ATP8A2: variants seen among roughly 807,000 people sequenced by gnomAD.
ATP8A2 encodes the protein phospholipid-transporting ATPase IB.
In ATP8A2, 100 loss-of-function variants were observed where a neutral mutation model predicts 165.6. That is an observed-to-expected ratio of 0.60 (90% confidence interval 0.51 to 0.71). The LOEUF is 0.71. Among genes scored for constraint, ATP8A2 ranks in the 30% least tolerant of loss-of-function variants. The pLI, the probability that ATP8A2 is intolerant of heterozygous loss-of-function variation, is 0.00. For missense variants in ATP8A2, 1,227 were observed against 1,479.5 expected (o/e 0.83, Z 2.80); for synonymous variants, 543 against 548.8 (o/e 0.99, Z 0.15).
chr13:25,828,954 C>A (rs545878586), intron 28 of ATP8A2, among the ~76,000 whole-genome samples: 3 of 152,082 alleles, frequency 2.0e-5, no homozygotes, highest in Admixed American at 6.5e-5. Flanking sequence ...AACTCTGCTC[C>A]GTGGGAATTT....
chr13:25,698,248 C>T (rs1031605159), intron 24 of ATP8A2, among the ~76,000 whole-genome samples: 3 of 145,164 alleles, frequency 2.1e-5, no homozygotes, highest in Admixed American at 6.9e-5. Context: ...TTTAAAGAAA[C>T]AGGGTCTCAC....
At chr13:25,429,741 C>T (rs557764496) in intron 1 of ATP8A2, among the ~76,000 whole-genome samples, 30 of 152,270 alleles carry the variant, frequency 2.0e-4, no homozygotes, top group African/African-American at 7.2e-4. Context: ...TGGGAAAGGC[C>T]TTGTCTGATG....
At chr13:25,844,103 AT>A (rs1447087372) in intron 30 of ATP8A2, among the ~76,000 whole-genome samples, 2 of 152,006 alleles carry the variant, frequency 1.3e-5, no homozygotes, top group African/African-American at 2.4e-5. Flanking sequence ...GGTGGCAGGG[AT>A]TTTTTTGGTA....
At position 25,528,849 on chromosome 13, in the gene ATP8A2, A is replaced by G. The variant is rs573554196; in HGVS notation, c.222-1150A>G. Among the ~76,000 whole-genome samples, 4 of 142,788 alleles carry G rather than the reference A, an allele frequency of 2.8e-5. No individual in the cohort carries two copies. The East Asian group carries it at 5.9e-4, about 21-fold the overall frequency. The allele number at this position is 142,788 out of a possible 152,430, so 93.7% of individuals were successfully genotyped here. On this transcript the variant is annotated intron_variant, in intron 2 of 36. Transcript: ENST00000381655. ...ACATATGCAACATGTGTATGCACACATATGCAACATGTGTATGCATACATA... is the reference window on the plus strand; with the variant it reads ...ACATATGCAACATGTGTATGCACACGTATGCAACATGTGTATGCATACATA...
At chr13:25,663,829 A>G (rs767449484) in intron 24 of ATP8A2, among the ~76,000 whole-genome samples, 1 of 152,182 alleles carries the variant, frequency 6.6e-6, no homozygotes, top group African/African-American at 2.4e-5. Flanking sequence ...ACCATAAGTG[A>G]TTTAAAACCA....
chr13:25,490,703 C>T (rs573865214), intron 2 of ATP8A2, among the ~76,000 whole-genome samples: 44 of 151,310 alleles, frequency 2.9e-4, no homozygotes, highest in South Asian at 6.3e-4. Flanking sequence ...AAATAATTGC[C>T]GTGACTACTA....
chr13:25,377,425 C>A (rs1256947844), intron 1 of ATP8A2, among the ~76,000 whole-genome samples: 3 of 152,160 alleles, frequency 2.0e-5, no homozygotes. Flanking sequence ...CAGGAGAGAG[C>A]CCTTCCAGGA....
intron 1 of ATP8A2, among the ~76,000 whole-genome samples, chr13:25,434,374 T>C (rs940918910): frequency 2.0e-5 from 3 of 152,006 alleles, no homozygotes; most frequent in Non-Finnish European, 4.4e-5. Flanking sequence ...TTTGAGACAA[T>C]GTCTCTCTGT....
chr13:25,778,357 G>A (rs367936273), intron 27 of ATP8A2, among the ~76,000 whole-genome samples: 17 of 152,136 alleles, frequency 1.1e-4, no homozygotes, highest in Middle Eastern at 3.4e-3. Flanking sequence ...TGAGTGTGCC[G>A]CATAAAATTC....
intron 2 of ATP8A2, among the ~76,000 whole-genome samples, chr13:25,522,584 C>T (rs2037704986): frequency 6.6e-6 from 1 of 152,016 alleles, no homozygotes. Flanking sequence ...TATGTTCCTT[C>T]TATATCTAGT....
chr13:25,678,582 G>GGA (rs1467532246), intron 24 of ATP8A2, among the ~76,000 whole-genome samples: 2 of 152,152 alleles, frequency 1.3e-5, no homozygotes, highest in Non-Finnish European at 2.9e-5. Context: ...TCAAGCAGAG[G>GGA]GAGCCAGCTC....
chr13:25,887,201 T>C (rs1953185592), intron 33 of ATP8A2, among the ~76,000 whole-genome samples: 1 of 152,186 alleles, frequency 6.6e-6, no homozygotes, highest in Non-Finnish European at 1.5e-5. Flanking sequence ...CCATGGGTAT[T>C]CATTTTGTGA....
At chr13:25,948,336 A>G (rs1330421828) in intron 33 of ATP8A2, among the ~76,000 whole-genome samples, 1 of 152,176 alleles carries the variant, frequency 6.6e-6, no homozygotes, top group East Asian at 1.9e-4. Context: ...AAAAATCATT[A>G]GTTATAGGTA....
chr13:25,418,017 A>G (rs1198681055), intron 1 of ATP8A2, among the ~76,000 whole-genome samples: 1 of 152,104 alleles, frequency 6.6e-6, no homozygotes, highest in Non-Finnish European at 1.5e-5. Context: ...TACCTCTTAC[A>G]CTTCTCATAC....
chr13:25,762,613 C>T (rs575236518), intron 25 of ATP8A2, among the ~76,000 whole-genome samples: 71 of 152,018 alleles, frequency 4.7e-4, no homozygotes, highest in African/African-American at 1.4e-3. Context: ...TTTTCTATTA[C>T]GCTTAATTAT....
At chr13:25,594,998 A>ATG (rs1477779006) in intron 24 of ATP8A2, among the ~76,000 whole-genome samples, 2 of 149,862 alleles carry the variant, frequency 1.3e-5, no homozygotes, top group Admixed American at 1.3e-4. Context: ...ATATATATAT[A>ATG]TATATATATG....
intron 33 of ATP8A2, among the ~76,000 whole-genome samples, chr13:25,894,341 T>C (rs1227700032): frequency 3.9e-5 from 6 of 152,206 alleles, no homozygotes; most frequent in South Asian, 2.1e-4. Flanking sequence ...ATCAGATAGT[T>C]GTAGATATGC....
At chr13:25,951,945 G>A (rs117702682) in intron 33 of ATP8A2, among the ~76,000 whole-genome samples, 2,900 of 152,256 alleles carry the variant, frequency 0.019, 47 homozygotes, top group Non-Finnish European at 0.031. Context: ...TGTTAAGTTG[G>A]CAGATTTTTG....
intron 33 of ATP8A2, among the ~76,000 whole-genome samples, chr13:25,879,913 A>T (rs528996809): frequency 6.6e-6 from 1 of 152,378 alleles, no homozygotes; most frequent in Non-Finnish European, 1.5e-5. Context: ...TAATTGATTA[A>T]GTTTAAGAAA....
Sources: allele counts gnomAD v4.1 joint callset (sites outside exome capture counted in the v4.1 genomes callset), GRCh38; gene constraint gnomAD v4.1.1; transcripts MANE v1.5; gene names NCBI Gene and HGNC (gene_info 2026-07-23, HGNC 2026-07-21).